The following PTPN2 variants were observed in gnomAD, a reference collection of about 807,000 sequenced individuals.
PTPN2 encodes tyrosine-protein phosphatase non-receptor type 2.
PTPN2 carries 19 observed loss-of-function variants against 57.3 expected under a neutral mutation model. That is an observed-to-expected ratio of 0.33 (90% confidence interval 0.23 to 0.49). PTPN2 has a LOEUF of 0.49. PTPN2 is among the 20% of genes least tolerant of loss of function. PTPN2 has a pLI of 0.99. For synonymous variants in PTPN2, 153 were observed against 164.9 expected (o/e 0.93, Z 0.55); for missense variants, 358 against 501.1 (o/e 0.71, Z 2.73).
chr18:12,790,316 T>G (rs2040952905), downstream of PTPN2, among the ~76,000 whole-genome samples: 1 of 152,182 alleles, frequency 6.6e-6, no homozygotes, highest in East Asian at 1.9e-4. Context: ...AATTTGGGAA[T>G]GTAGGTACTC....
At chr18:12,842,294 A>C (rs1278077717) in intron 2 of PTPN2, among the ~76,000 whole-genome samples, 1 of 152,220 alleles carries the variant, frequency 6.6e-6, no homozygotes, top group Non-Finnish European at 1.5e-5. Flanking sequence ...ACTTAGGGGA[A>C]AAGATTTAAC....
In PTPN2 at chr18:12,884,163, C is replaced by T; in HGVS notation, c.-22G>A. 1 of 1,565,678 alleles carries T rather than the reference C, an allele frequency of 6.4e-7. No homozygotes were observed. The highest frequency in any genetic ancestry group is 8.6e-7 in the Non-Finnish European group (1 of 1,158,022). On this transcript the variant is annotated 5_prime_UTR_variant, in exon 1 of 9. Coordinates refer to ENST00000309660, the MANE Select transcript of PTPN2 (RefSeq NM_002828.4). Reference sequence around the variant, plus strand: ...GCATGGCTGCGGGAGCGAGCTGGCGCGAGCAGAGCCTGCGCCGGCGGAGAG... The same window carrying T: ...GCATGGCTGCGGGAGCGAGCTGGCGTGAGCAGAGCCTGCGCCGGCGGAGAG...
At chr18:12,870,832 T>C (rs949324455) in intron 1 of PTPN2, among the ~76,000 whole-genome samples, 5 of 151,980 alleles carry the variant, frequency 3.3e-5, no homozygotes, top group Admixed American at 1.3e-4. Flanking sequence ...TTTTTACTTA[T>C]ATTTACATAT....
chr18:12,825,660 C>G, intron 5 of PTPN2, 150 bp downstream of exon 5: 1 of 597,064 alleles, frequency 1.7e-6, no homozygotes, highest in Non-Finnish European at 2.7e-6. Context: ...CTACTAGATG[C>G]AGACACACAA....
At chr18:12,834,936 C>A (rs191125751) in intron 3 of PTPN2, among the ~76,000 whole-genome samples, 1 of 152,068 alleles carries the variant, frequency 6.6e-6, no homozygotes, top group African/African-American at 2.4e-5. Flanking sequence ...ACCTGCCCCC[C>A]ACCCACTGCA....
chr18:12,875,277 C>T (rs1280431943), intron 1 of PTPN2, among the ~76,000 whole-genome samples: 1 of 150,456 alleles, frequency 6.6e-6, no homozygotes, highest in African/African-American at 2.5e-5. Flanking sequence ...AAATCCCTCT[C>T]TGTGAGAAAC....
At chr18:12,807,586 A>AT (rs1555660749) in intron 7 of PTPN2, among the ~76,000 whole-genome samples, 739 of 35,148 alleles carry the variant, frequency 0.021, 14 homozygotes, top group South Asian at 0.065. Context: ...AAAAAAAAAA[A>AT]ATATATATAT....
At chr18:12,870,402 C>T (rs150994010) in intron 1 of PTPN2, among the ~76,000 whole-genome samples, 2,642 of 46,416 alleles carry the variant, frequency 0.057, 256 homozygotes, top group East Asian at 0.12. Flanking sequence ...TGTATATATA[C>T]ACGTATATAT....
intron 1 of PTPN2, among the ~76,000 whole-genome samples, chr18:12,869,331 T>G (rs1176766536): frequency 6.6e-6 from 1 of 152,128 alleles, no homozygotes; most frequent in African/African-American, 2.4e-5. Flanking sequence ...CACACCACCA[T>G]GCCTGGCTAA....
chr18:12,788,231 T>C (rs188348186), downstream of PTPN2: 2 of 153,360 alleles, frequency 1.3e-5, no homozygotes, highest in African/African-American at 4.8e-5. Context: ...AAGAAAAAAA[T>C]TCCTGTGCAA....
At chr18:12,815,083 CAA>C (rs1424062787) in intron 6 of PTPN2, among the ~76,000 whole-genome samples, 1 of 117,350 alleles carries the variant, frequency 8.5e-6, no homozygotes, top group Non-Finnish European at 1.8e-5. Flanking sequence ...GACTCCATCT[CAA>C]AAATAAATAA....
At chr18:12,805,333 T>A (rs1251483097) in intron 7 of PTPN2, among the ~76,000 whole-genome samples, 2 of 151,762 alleles carry the variant, frequency 1.3e-5, no homozygotes, top group African/African-American at 4.8e-5. Context: ...GGTGCATGCC[T>A]GTAATCCCAG....
chr18:12,852,229 C>CACACACAG (rs59538580), intron 2 of PTPN2, among the ~76,000 whole-genome samples: 2 of 150,708 alleles, frequency 1.3e-5, no homozygotes, highest in Non-Finnish European at 3.0e-5. Flanking sequence ...CACACACACA[C>CACACACAG]AGATTGTTTC....
chr18:12,826,001 TAA>T (rs2042441784), intron 4 of PTPN2, 57 bp from the exon 5 acceptor site: 1 of 1,416,242 alleles, frequency 7.1e-7, no homozygotes, highest in Non-Finnish European at 9.6e-7. Flanking sequence ...CATGAAACCA[TAA>T]AGTTAAAAAA....
Position 12,859,155 on chromosome 18 carries a change from A to G in PTPN2, c.160+9T>C. The G allele has an allele frequency of 6.2e-7, 1 of 1,607,134 alleles. No individual in the cohort carries two copies. Among genetic ancestry groups the G allele is most frequent in the Non-Finnish European group, 8.5e-7 (1 of 1,174,368 alleles). On this transcript the variant is annotated intron_variant, in intron 2 of 8. Transcript: ENST00000309660. The stretch of plus-strand genomic sequence containing the variant: ...AAATACACATGCACACAAACCCACA[A>G]GTACTTACATGGGCTTACATCTCTG...
chr18:12,807,584 A>ATATATATATATATATAT (rs1555660747), intron 7 of PTPN2, among the ~76,000 whole-genome samples: 1 of 55,006 alleles, frequency 1.8e-5, no homozygotes, highest in Non-Finnish European at 3.8e-5. Flanking sequence ...AAAAAAAAAA[A>ATATATATATATATATAT]AAATATATAT....
intron 7 of PTPN2, among the ~76,000 whole-genome samples, chr18:12,812,096 T>TG (rs1045394286): frequency 3.9e-5 from 6 of 152,286 alleles, no homozygotes; most frequent in East Asian, 1.9e-4. Flanking sequence ...ATATTTACTC[T>TG]GGGGGGTTAA....
rs1401992421 is a variant in PTPN2 at position 12,792,476 on chromosome 18, T to C, written c.*1802A>G. On this transcript the variant is annotated 3_prime_UTR_variant, in exon 9 of 9. Coordinates refer to ENST00000309660, the MANE Select transcript of PTPN2 (RefSeq NM_002828.4). ...TTTTGTATTTTTAGTAAAGAAGGGA[T>C]TTCACCATGTTGGCCAGGACAGTCT... 6.5e-6 allele frequency: 1 copy of C among 154,226 alleles called. No individual in the cohort carries two copies. The highest frequency in any genetic ancestry group is 6.6e-5 in the Admixed American group (1 of 15,266). The allele number at this position is 154,226 out of a possible 1,614,324, so 9.6% of individuals were successfully genotyped here.
At position 12,825,787 on chromosome 18, in the gene PTPN2, A is replaced by G; in HGVS notation, c.495+23T>C. 2.5e-6 allele frequency: 4 copies of G among 1,590,828 alleles called. No individual in the cohort carries two copies. The East Asian group carries it at 6.7e-5, about 27-fold the overall frequency. On this transcript the variant is annotated intron_variant, in intron 5 of 8. Transcript: ENST00000309660. The stretch of plus-strand genomic sequence containing the variant: ...TTTAAACCATCATATAAAGTCCACA[A>G]TTTCGGGCAAGAAAGGTCTTACATT...
Sources: gnomAD v4.1 joint callset for allele counts (sites outside exome capture counted in the v4.1 genomes callset) on GRCh38, gnomAD v4.1.1 for gene constraint, MANE v1.5 for transcripts, NCBI Gene and HGNC (gene_info 2026-07-23, HGNC 2026-07-21) for gene names.